Variants in HDAC9 observed in about 807,000 individuals in gnomAD.
HDAC9 encodes the protein MEF-2 interacting transcription repressor (MITR) protein.
In HDAC9, 41 loss-of-function variants were observed where a neutral mutation model predicts 139.4. The observed-to-expected ratio is 0.29, with a 90% CI of 0.23 to 0.38. The LOEUF (loss-of-function observed/expected upper bound fraction) is 0.38. Ranked by LOEUF, HDAC9 falls within the 10% of genes least tolerant of loss-of-function variation. The pLI is 1.00. For synonymous variants in HDAC9, 517 were observed against 476.2 expected, an observed-to-expected ratio of 1.09 and a Z score of -1.12; for missense variants, 1,147 against 1,297.0, an observed-to-expected ratio of 0.88 and a Z score of 1.78.
intron 23 of HDAC9, among the ~76,000 whole-genome samples, chr7:18,943,466 C>T (rs1190906389): frequency 6.6e-6 from 1 of 151,982 alleles, no homozygotes; most frequent in African/African-American, 2.4e-5. Context: ...TGGTGACTGC[C>T]ATAGATGTTT....
At chr7:18,767,176 T>G in intron 16 of HDAC9, 21 bp downstream of exon 16, 1 of 1,447,380 alleles carries the variant, frequency 6.9e-7, no homozygotes, top group Admixed American at 2.2e-5. Flanking sequence ...GTTGGTTTAC[T>G]GCCTTTAAAT....
At chr7:18,954,982 A>G (rs2129324930) in intron 24 of HDAC9, among the ~76,000 whole-genome samples, 1 of 152,144 alleles carries the variant, frequency 6.6e-6, no homozygotes, top group South Asian at 2.1e-4. Context: ...TAAATTACCC[A>G]TTTATTTGAT....
At chr7:18,936,993 A>G (rs1359693422) in intron 23 of HDAC9, among the ~76,000 whole-genome samples, 1 of 151,698 alleles carries the variant, frequency 6.6e-6, no homozygotes, top group Non-Finnish European at 1.5e-5. Flanking sequence ...TATGAGAGAG[A>G]AAACTTAAGC....
chr7:18,311,944 C>A (rs892255017), intron 1 of HDAC9, among the ~76,000 whole-genome samples: 1 of 152,130 alleles, frequency 6.6e-6, no homozygotes, highest in African/African-American at 2.4e-5. Context: ...TGCCACTGAA[C>A]CACCCTCTTG....
chr7:18,223,524 C>T (rs957880219), intron 2 of HDAC9, among the ~76,000 whole-genome samples: 9 of 151,896 alleles, frequency 5.9e-5, no homozygotes, highest in African/African-American at 1.7e-4. Flanking sequence ...AAGGCTACAC[C>T]GTTTTAAATG....
intron 12 of HDAC9, among the ~76,000 whole-genome samples, chr7:18,708,564 A>C (rs1784110621): frequency 6.6e-6 from 1 of 152,190 alleles, no homozygotes; most frequent in Admixed American, 6.5e-5. Flanking sequence ...TAAACAATAG[A>C]GTTTGTACTG....
chr7:18,766,254 C>G (rs1311655180), intron 15 of HDAC9, among the ~76,000 whole-genome samples: 1 of 152,142 alleles, frequency 6.6e-6, no homozygotes, highest in Admixed American at 6.6e-5. Flanking sequence ...ACTGCCCTTC[C>G]CCATGATTAC....
rs114265815 is a variant in HDAC9 at position 18,823,323 on chromosome 7, C to T, written c.2323-5838C>T. 3.0e-3 allele frequency among the ~76,000 whole-genome samples: 462 copies of T among 152,250 alleles called. 4 individuals are homozygous for T. The highest frequency in any genetic ancestry group is 0.011 in the African/African-American group (444 of 41,548). The stretch of plus-strand genomic sequence containing the variant: ...GAAGAACGAAAGGAAGGTAGAAATG[C>T]TCATCTGAAAGGATGGGAGAGTTCA... On this transcript the variant is annotated intron_variant, in intron 17 of 25. Transcript: ENST00000686413.
chr7:18,374,199 G>GTATA (rs371983993), intron 1 of HDAC9, among the ~76,000 whole-genome samples: 115 of 143,194 alleles, frequency 8.0e-4, no homozygotes, highest in East Asian at 6.7e-3. Context: ...ATGTATGTGT[G>GTATA]TATATATATA....
At chr7:18,467,673 C>T (rs1794394346) in intron 1 of HDAC9, among the ~76,000 whole-genome samples, 2 of 152,156 alleles carry the variant, frequency 1.3e-5, no homozygotes, top group South Asian at 4.1e-4. Context: ...ATTACTCATT[C>T]TTTTTGCCTT....
intron 1 of HDAC9, among the ~76,000 whole-genome samples, chr7:18,415,431 C>A (rs575832456): frequency 5.3e-5 from 8 of 152,338 alleles, no homozygotes; most frequent in African/African-American, 1.7e-4. Context: ...AGGAACCTCA[C>A]AACTTGGTCC....
intron 1 of HDAC9, among the ~76,000 whole-genome samples, chr7:18,429,694 T>C (rs1278897770): frequency 1.3e-5 from 2 of 152,176 alleles, no homozygotes; most frequent in Non-Finnish European, 2.9e-5. Context: ...CATTCAAGAA[T>C]GAATGCAAAG....
At chr7:18,313,546 T>C (rs961137340) in intron 1 of HDAC9, among the ~76,000 whole-genome samples, 5 of 152,208 alleles carry the variant, frequency 3.3e-5, no homozygotes, top group Non-Finnish European at 7.4e-5. Context: ...TACTGGTTAG[T>C]CAAGCTCGGA....
rs34279083 is a variant in HDAC9 at position 18,859,856 on chromosome 7, A to ATG, written c.2685-14621_2685-14620insGT. ...TATATATATATATATATATATATAT[A>ATG]TATGTGAGAGAATGAGAGAGAGAGA... is the stretch of plus-strand genomic sequence containing the variant. On this transcript the variant is annotated intron_variant, in intron 21 of 25. Coordinates refer to ENST00000686413, the MANE Select transcript of HDAC9 (RefSeq NM_178425.4). Among the ~76,000 whole-genome samples, 296 of 117,250 alleles carry ATG rather than the reference A, an allele frequency of 2.5e-3. 4 individuals are homozygous for ATG. Among genetic ancestry groups the ATG allele is most frequent in the Non-Finnish European group, 3.5e-3 (196 of 56,374 alleles). 76.9% of individuals were successfully genotyped at this position (117,250 alleles called of 152,430 possible).
intron 2 of HDAC9, among the ~76,000 whole-genome samples, chr7:18,556,331 T>C (rs1818793619): frequency 6.6e-6 from 1 of 152,090 alleles, no homozygotes; most frequent in African/African-American, 2.4e-5. Context: ...TACTTTTTAT[T>C]AAATCATTTA....
At chr7:18,657,311 G>T (rs1334217360) in intron 11 of HDAC9, among the ~76,000 whole-genome samples, 1 of 152,092 alleles carries the variant, frequency 6.6e-6, no homozygotes. Flanking sequence ...CCAAAGTAAG[G>T]AATTGATCAA....
chr7:18,974,042 T>C (rs1270720999), intron 24 of HDAC9, among the ~76,000 whole-genome samples: 1 of 152,136 alleles, frequency 6.6e-6, no homozygotes, highest in Non-Finnish European at 1.5e-5. Context: ...ACCATAGCAG[T>C]CTCATCCATC....
intron 25 of HDAC9, among the ~76,000 whole-genome samples, chr7:18,995,730 A>G (rs905531895): frequency 6.6e-6 from 1 of 152,160 alleles, no homozygotes; most frequent in African/African-American, 2.4e-5. Context: ...TTTTCAATAA[A>G]TTATTGAACT....
At chr7:18,545,078 C>T (rs1461560201) in intron 2 of HDAC9, among the ~76,000 whole-genome samples, 1 of 152,142 alleles carries the variant, frequency 6.6e-6, no homozygotes, top group East Asian at 1.9e-4. Flanking sequence ...GATCTGGCTC[C>T]AAACGTCAAT....
Sources: allele counts gnomAD v4.1 joint callset (sites outside exome capture counted in the v4.1 genomes callset), GRCh38; gene constraint gnomAD v4.1.1; transcripts MANE v1.5; gene names NCBI Gene and HGNC (gene_info 2026-07-23, HGNC 2026-07-21).